Variants in CEP250 observed in about 807,000 individuals in gnomAD.
CEP250 encodes the protein centrosome-associated protein CEP250.
Under a neutral mutation model 315.7 loss-of-function variants are expected in CEP250, and 242 were observed. That is an observed-to-expected ratio of 0.77 (90% confidence interval 0.69 to 0.85). The LOEUF is 0.85. CEP250 is among the 40% of genes least tolerant of loss of function. The probability of loss-of-function intolerance (pLI) is 0.00; values close to 1 mark genes in which losing one functional copy is unlikely to be tolerated. For missense variants in CEP250, 2,515 were observed against 2,886.4 expected (o/e 0.87, Z 2.95); for synonymous variants, 1,088 against 1,175.0 (o/e 0.93, Z 1.51).
chr20:35,496,641 C>A lies in CEP250; in HGVS notation c.3232C>A (p.Arg1078=), dbSNP rs749874788. The change falls in exon 25 of 35, where the codon CGA becomes AGA. Residue 1078 remains arginine, a synonymous_variant. Coordinates refer to ENST00000397527, the MANE Select transcript of CEP250 (RefSeq NM_007186.6). The part of the protein sequence containing the change: ...LLVLQEADSI[R]QQELSALRQD... The stretch of plus-strand genomic sequence containing the variant: ...TGTTTTACAAGAAGCTGACTCTATT[C>A]GACAACAAGAGCTGAGTGCCCTGCG... The A allele has an allele frequency of 6.2e-7, 1 of 1,613,998 alleles. No individual in the cohort carries two copies.
chr20:35,462,458 A>G lies in CEP250; in HGVS notation c.91A>G (p.Met31Val), dbSNP rs746610415. ...GCAGGTGCTGGCACTACAGCAGCAG[A>G]TGGCAGAGAATCAGGCAGCCTCCTG... ...EEQVLALQQQ[M>V]AENQAASWRK... The change falls in exon 4 of 35, where the codon ATG becomes GTG. Residue 31 changes from methionine to valine, a missense_variant. By Grantham distance (21) the Met-to-Val change is conservative. Coordinates refer to ENST00000397527, the MANE Select transcript of CEP250 (RefSeq NM_007186.6). 5.6e-6 allele frequency: 9 copies of G among 1,607,744 alleles called. No individual in the cohort carries two copies. The highest frequency in any genetic ancestry group is 6.8e-6 in the Non-Finnish European group (8 of 1,176,918).
intron 5 of CEP250, among the ~76,000 whole-genome samples, chr20:35,464,189 A>G (rs932172804): frequency 1.3e-5 from 2 of 152,136 alleles, no homozygotes; most frequent in Admixed American, 1.3e-4. Context: ...CAACTTTATG[A>G]TGATGTGAAA....
At position 35,504,274 on chromosome 20, in the gene CEP250, G is replaced by T. The variant is rs866964422; in HGVS notation, c.5905G>T (p.Ala1969Ser). 1 of 1,591,494 alleles carries T rather than the reference G, an allele frequency of 6.3e-7. No homozygotes were observed. Residue 1969 changes from alanine (A) to serine (S), a missense_variant, in exon 30 of 35, where the codon GCC (alanine) becomes TCC (serine). Physicochemically the swap from Ala to Ser is moderately conservative, Grantham distance 99. Coordinates refer to ENST00000397527, the MANE Select transcript of CEP250 (RefSeq NM_007186.6). ...GGCCCGGGCTGAGGCTCTGCAGGAGGCCCTTGGCAAGGCTCATGCTGCCCT... is the reference window on the plus strand; with the variant it reads ...GGCCCGGGCTGAGGCTCTGCAGGAGTCCCTTGGCAAGGCTCATGCTGCCCT... ...ARARAEALQE[A>S]LGKAHAALQG...
intron 9 of CEP250, 73 bp downstream of exon 9, chr20:35,467,628 AG>A (rs5841213): frequency 0.27 from 400,271 of 1,509,560 alleles, 60,376 homozygotes; most frequent in African/African-American, 0.55. Context: ...AGGGACAGGC[AG>A]GGGGAGGTGC....
chr20:35,494,801 T>C (rs970145463), intron 24 of CEP250, 144 bp downstream of exon 24: 1 of 882,898 alleles, frequency 1.1e-6, no homozygotes, highest in Non-Finnish European at 1.7e-6. Flanking sequence ...GAGGACATGG[T>C]TCCTGTCTTC....
intron 1 of CEP250, among the ~76,000 whole-genome samples, chr20:35,457,836 A>G (rs1381145529): frequency 1.3e-5 from 2 of 152,138 alleles, no homozygotes. Flanking sequence ...TTACCTTGGA[A>G]ATTAATGGAG....
rs757895388 is a variant in CEP250 at position 35,466,066 on chromosome 20, C to T, written c.354C>T (p.Thr118=). The part of the protein sequence containing the change: ...QRCESLAEVN[T]QLRLHMEKAD... ...GTGAGAGTCTAGCAGAGGTGAACAC[C>T]CAGCTTCGACTGCACATGGAAAAAG... The change falls in exon 7 of 35, where the codon ACC becomes ACT. Residue 118 remains threonine, a synonymous_variant. Coordinates refer to ENST00000397527, the MANE Select transcript of CEP250 (RefSeq NM_007186.6). 1.2e-6 allele frequency: 2 copies of T among 1,614,130 alleles called. No homozygotes were observed. Among genetic ancestry groups the T allele is most frequent in the South Asian group, 2.2e-5 (2 of 91,080 alleles).
At position 35,509,982 on chromosome 20, in the gene CEP250, T is replaced by C. The variant is rs771336786; in HGVS notation, c.7009-16T>C. The C allele has an allele frequency of 1.9e-6, 3 of 1,613,466 alleles. No homozygotes were observed. In the South Asian group the frequency reaches 3.3e-5, roughly 18 times the overall value. On this transcript the variant is annotated splice_polypyrimidine_tract_variant and intron_variant, in intron 33 of 34. Transcript: ENST00000397527. The stretch of plus-strand genomic sequence containing the variant: ...GGAAGGCCTATGCCAACAAGAGTGC[T>C]GTTTGTCTTCCTTAGGATGGGAGAG...
At position 35,508,997 on chromosome 20, in the gene CEP250, G is replaced by C. The variant is rs911876854; in HGVS notation, c.6961G>C (p.Gly2321Arg). 6.4e-7 allele frequency: 1 copy of C among 1,559,320 alleles called. No individual in the cohort carries two copies. Among genetic ancestry groups the C allele is most frequent in the Non-Finnish European group, 8.7e-7 (1 of 1,150,774 alleles). The change falls in exon 33 of 35, where the codon GGG (glycine) becomes CGG (arginine). Residue 2321 changes from glycine to arginine, a missense_variant. Gly to Arg is a moderately radical substitution (Grantham distance 125). Coordinates refer to ENST00000397527, the MANE Select transcript of CEP250 (RefSeq NM_007186.6). Reference sequence around the variant, plus strand: ...GGAGGCCATGCGTGCGGCCCAGGCAGGGTCCCTAGAGATCAGCAAGGCCAC... The same window carrying C: ...GGAGGCCATGCGTGCGGCCCAGGCACGGTCCCTAGAGATCAGCAAGGCCAC... ...KREAMRAAQA[G>R]SLEISKATAS...
intron 10 of CEP250, among the ~76,000 whole-genome samples, chr20:35,470,366 C>T (rs990893397): frequency 6.6e-6 from 1 of 152,066 alleles, no homozygotes; most frequent in Non-Finnish European, 1.5e-5. Flanking sequence ...AATGTTTAGC[C>T]GGGAGAAGAA....
At chr20:35,478,370 GC>G (rs1307099614) in intron 17 of CEP250, among the ~76,000 whole-genome samples, 1 of 152,134 alleles carries the variant, frequency 6.6e-6, no homozygotes, top group African/African-American at 2.4e-5. Flanking sequence ...TTCGAGACCA[GC>G]CTGACCAACA....
At chr20:35,459,862 G>A (rs995922005) in intron 2 of CEP250, 121 bp from the exon 3 acceptor site, 1 of 152,116 alleles carries the variant, frequency 6.6e-6, no homozygotes, top group Non-Finnish European at 1.5e-5. Flanking sequence ...CAAAGTGTGA[G>A]GGGGCCTTTG....
chr20:35,494,801 T>A (rs970145463), intron 24 of CEP250, 144 bp downstream of exon 24: 12 of 882,902 alleles, frequency 1.4e-5, no homozygotes, highest in Non-Finnish European at 2.0e-5. Flanking sequence ...GAGGACATGG[T>A]TCCTGTCTTC....
At chr20:35,494,438 G>A (rs907334321) in intron 23 of CEP250, 86 bp from the exon 24 acceptor site, 17 of 1,560,170 alleles carry the variant, frequency 1.1e-5, no homozygotes, top group Admixed American at 5.5e-5. Flanking sequence ...GGTAAACCTC[G>A]AAGGACCCTG....
Position 35,504,621 on chromosome 20 carries a change from A to G in CEP250, c.6252A>G (p.Arg2084=). Residue 2084 remains arginine (R), a synonymous_variant, in exon 30 of 35, where the codon AGA becomes AGG. Transcript: ENST00000397527. ...AGAAGCAGAATCTGGGGCAAGAGAG[A>G]GAAGAGGAGGAGATAAGGGGCCTTC... ...IQEKQNLGQE[R]EEEEIRGLHQ... The G allele has an allele frequency of 6.2e-7, 1 of 1,614,112 alleles. No homozygotes were observed. The highest frequency in any genetic ancestry group is 8.5e-7 in the Non-Finnish European group (1 of 1,180,006).
At chr20:35,485,645 CTTTTTTTTTTTTTTTTT>C (rs782622070) in intron 20 of CEP250, among the ~76,000 whole-genome samples, 2 of 33,788 alleles carry the variant, frequency 5.9e-5, no homozygotes, top group African/African-American at 1.2e-4. Context: ...GTCTGCCTGG[CTTTTTTTTTTTTTTTTT>C]TTTTTTTTTT....
Position 35,465,731 on chromosome 20 carries a change from TGTCTGGCGCAGGGACCAA to T in CEP250, c.244-11_250del, listed in dbSNP as rs1279605314. On this transcript the variant is annotated splice_acceptor_variant and splice_polypyrimidine_tract_variant and coding_sequence_variant and intron_variant, in exon 6 of 35. Transcript: ENST00000397527. LOFTEE classifies it high-confidence loss of function. The stretch of plus-strand genomic sequence containing the variant: ...TTTGGAGGTAAGTAAGGCTTGTCTC[TGTCTGGCGCAGGGACCAA>T]TCCCCCAGAGGTGGGAAAATGTGGA... 1 of 1,580,100 alleles carries T rather than the reference TGTCTGGCGCAGGGACCAA, an allele frequency of 6.3e-7. No individual in the cohort carries two copies. Among genetic ancestry groups the T allele is most frequent in the Admixed American group, 1.9e-5 (1 of 53,634 alleles).
chr20:35,473,506 G>A lies in CEP250; in HGVS notation c.1342G>A (p.Ala448Thr), dbSNP rs746427144. ...QKLTGERDTL[A>T]GQTVDLQGEV... Reference sequence around the variant, plus strand: ...GCTCACTGGGGAGCGGGACACTCTGGCAGGGCAGACTGTGGACCTCCAGGG... The same window carrying A: ...GCTCACTGGGGAGCGGGACACTCTGACAGGGCAGACTGTGGACCTCCAGGG... Residue 448 changes from alanine to threonine, a missense_variant, in exon 13 of 35, where the codon GCA (alanine) becomes ACA (threonine). Transcript: ENST00000397527. 5.0e-6 allele frequency: 8 copies of A among 1,614,106 alleles called. No individual in the cohort carries two copies. Among genetic ancestry groups the A allele is most frequent in the Admixed American group, 1.7e-5 (1 of 60,024 alleles).
At chr20:35,477,770 G>A (rs2063214633) in intron 16 of CEP250, 101 bp from the exon 17 acceptor site, 1 of 923,950 alleles carries the variant, frequency 1.1e-6, no homozygotes, top group Non-Finnish European at 1.7e-6. Context: ...CATCTTTGGA[G>A]AATAGATTCA....
Sources: gnomAD v4.1 joint callset for allele counts (sites outside exome capture counted in the v4.1 genomes callset) on GRCh38, gnomAD v4.1.1 for gene constraint, MANE v1.5 for transcripts, NCBI Gene and HGNC (gene_info 2026-07-23, HGNC 2026-07-21) for gene names.